KSR2: variants seen among roughly 807,000 people sequenced by gnomAD.
The protein encoded by KSR2 is kinase suppressor of ras 2.
In KSR2, 25 loss-of-function variants were observed where a neutral mutation model predicts 107.8. The observed-to-expected ratio is 0.23, with a 90% CI of 0.17 to 0.32. The LOEUF (loss-of-function observed/expected upper bound fraction) is 0.32, where lower values mean the gene tolerates loss of function less well. Ranked by LOEUF, KSR2 falls within the 10% of genes least tolerant of loss-of-function variation. The pLI is 1.00. For missense variants in KSR2, 887 were observed against 1,268.9 expected (o/e 0.70, Z 4.57); for synonymous variants, 480 against 507.0 (o/e 0.95, Z 0.71).
chr12:117,585,181 C>G (rs1025793831), intron 5 of KSR2, among the ~76,000 whole-genome samples: 7 of 152,160 alleles, frequency 4.6e-5, no homozygotes, highest in African/African-American at 1.7e-4. Context: ...CCCAAAATGT[C>G]AATAGCATCA....
At chr12:117,517,952 C>T in intron 14 of KSR2, 1 of 444,386 alleles carries the variant, frequency 2.3e-6, no homozygotes. Flanking sequence ...GTTCTCCATG[C>T]ATCTGTCAAA....
At chr12:117,540,527 C>T (rs1160603214) in intron 9 of KSR2, among the ~76,000 whole-genome samples, 1 of 152,196 alleles carries the variant, frequency 6.6e-6, no homozygotes, top group African/African-American at 2.4e-5. Flanking sequence ...TCTTTGCAGA[C>T]ATAATTTAAG....
intron 3 of KSR2, among the ~76,000 whole-genome samples, chr12:117,816,830 G>A (rs1017695424): frequency 5.3e-5 from 8 of 152,174 alleles, no homozygotes; most frequent in Admixed American, 3.3e-4. Context: ...TTGCAGATAA[G>A]GCAACAAGGC....
At chr12:117,896,084 T>G (rs1388084062) in intron 1 of KSR2, among the ~76,000 whole-genome samples, 2 of 152,172 alleles carry the variant, frequency 1.3e-5, no homozygotes, top group African/African-American at 4.8e-5. Flanking sequence ...ATGTTCATAG[T>G]AGCACTATTT....
intron 3 of KSR2, among the ~76,000 whole-genome samples, chr12:117,796,134 T>C (rs1475406121): frequency 6.6e-6 from 1 of 152,026 alleles, no homozygotes; most frequent in East Asian, 1.9e-4. Flanking sequence ...TCTCACTAGC[T>C]TCCCCATGCT....
chr12:117,860,525 C>T (rs1474575189), intron 1 of KSR2, 94 bp from the exon 2 acceptor site: 7 of 1,207,774 alleles, frequency 5.8e-6, no homozygotes, highest in Non-Finnish European at 6.8e-6. Context: ...CACCCTAAAC[C>T]CAGCCAACTC....
At chr12:117,863,384 G>A (rs550376032) in intron 1 of KSR2, among the ~76,000 whole-genome samples, 1 of 152,294 alleles carries the variant, frequency 6.6e-6, no homozygotes, top group Non-Finnish European at 1.5e-5. Flanking sequence ...TTAGAAGACA[G>A]CAGAGCCAAG....
rs1892266263 is a variant in KSR2, at chr12:117,837,418, C to T, written c.472+18010G>A. Among the ~76,000 whole-genome samples the T allele has an allele frequency of 2.6e-5, 4 of 152,166 alleles. No individual in the cohort carries two copies. In the South Asian group the frequency reaches 8.3e-4, roughly 31 times the overall value. On this transcript the variant is annotated intron_variant, in intron 3 of 19. Coordinates refer to ENST00000339824, the MANE Select transcript of KSR2 (RefSeq NM_173598.6). ...AAAGGAAGCTTATCGGGCAGCGCCT[C>T]CTGGTGGCCAAACATGACACTGCGC...
chr12:117,617,079 C>T (rs1420181546), intron 5 of KSR2, among the ~76,000 whole-genome samples: 1 of 152,108 alleles, frequency 6.6e-6, no homozygotes, highest in Non-Finnish European at 1.5e-5. Context: ...CTCCTTGAAG[C>T]CAAAGCTTGA....
chr12:117,478,545 C>A (rs1201323004), intron 16 of KSR2, among the ~76,000 whole-genome samples: 2 of 152,138 alleles, frequency 1.3e-5, no homozygotes, highest in Non-Finnish European at 2.9e-5. Flanking sequence ...GCGACCCTCC[C>A]ATCTTCAGCC....
chr12:117,536,800 T>A (rs973449734), intron 10 of KSR2, among the ~76,000 whole-genome samples: 5 of 152,370 alleles, frequency 3.3e-5, no homozygotes, highest in Admixed American at 3.3e-4. Flanking sequence ...GCATTTGGGT[T>A]AATTTCAGTT....
chr12:117,673,613 T>C (rs7976599), intron 4 of KSR2, among the ~76,000 whole-genome samples: 22,075 of 152,074 alleles, frequency 0.15, 1,731 homozygotes, highest in East Asian at 0.27. Flanking sequence ...TTCCTACCCA[T>C]CAAGGAAGCC....
chr12:117,501,882 T>C (rs1235126874), intron 14 of KSR2, among the ~76,000 whole-genome samples: 2 of 152,222 alleles, frequency 1.3e-5, no homozygotes, highest in East Asian at 3.8e-4. Context: ...CAAACTCCTA[T>C]ATCACATCCT....
chr12:117,894,680 A>AGCACTT (rs1261483865), intron 1 of KSR2, among the ~76,000 whole-genome samples: 3 of 148,258 alleles, frequency 2.0e-5, no homozygotes, highest in Non-Finnish European at 4.5e-5. Context: ...GAAAGTGCGT[A>AGCACTT]GCACTTCCCC....
chr12:117,584,693 A>G (rs149792904), intron 5 of KSR2, among the ~76,000 whole-genome samples: 1 of 152,356 alleles, frequency 6.6e-6, no homozygotes, highest in Non-Finnish European at 1.5e-5. Context: ...TGCCTGAAGC[A>G]AAGTACTTAA....
rs115421369 is a variant in KSR2, at chr12:117,634,884, T to G, written c.1171+32590A>C. Reference sequence around the variant, plus strand: ...CCTCTGGCCACCCCAAAGATGGAGATGTGAGAGAAGTTATCCAGCCTAAGC... The same window carrying G: ...CCTCTGGCCACCCCAAAGATGGAGAGGTGAGAGAAGTTATCCAGCCTAAGC... On this transcript the variant is annotated intron_variant, in intron 5 of 19. Transcript: ENST00000339824. Among the ~76,000 whole-genome samples the G allele has an allele frequency of 3.1e-3, 475 of 152,200 alleles. 4 individuals are homozygous for G. Among genetic ancestry groups the G allele is most frequent in the African/African-American group, 0.011 (447 of 41,550 alleles).
At chr12:117,797,336 T>A (rs1013323526) in intron 3 of KSR2, among the ~76,000 whole-genome samples, 3 of 152,216 alleles carry the variant, frequency 2.0e-5, no homozygotes, top group African/African-American at 7.2e-5. Context: ...ATGCCATAGT[T>A]GGGTTAATCT....
At chr12:117,967,375 C>T (rs906651000) in intron 1 of KSR2, among the ~76,000 whole-genome samples, 1 of 152,184 alleles carries the variant, frequency 6.6e-6, no homozygotes, top group Non-Finnish European at 1.5e-5. Context: ...TCCCACACCA[C>T]CTATGTGTGC....
chr12:117,554,225 T>C (rs1592986808), intron 9 of KSR2, among the ~76,000 whole-genome samples: 3 of 152,034 alleles, frequency 2.0e-5, no homozygotes, highest in African/African-American at 7.2e-5. Flanking sequence ...ATAAAGGATA[T>C]GGAAATCAGG....
Sources: gnomAD v4.1 joint callset for allele counts (sites outside exome capture counted in the v4.1 genomes callset) on GRCh38, gnomAD v4.1.1 for gene constraint, MANE v1.5 for transcripts, NCBI Gene and HGNC (gene_info 2026-07-23, HGNC 2026-07-21) for gene names.